The following UBE2E2 variants were observed in gnomAD, a reference collection of about 807,000 sequenced individuals.
UBE2E2 encodes ubiquitin conjugating enzyme E2 E2, also known as ubiquitin-conjugating enzyme E2 E2.
A neutral mutation model predicts 24.7 loss-of-function variants in UBE2E2; 6 were observed. That is an observed-to-expected ratio of 0.24 (90% CI 0.13 to 0.48). The LOEUF is 0.48. UBE2E2 is among the 20% of genes least tolerant of loss of function. The pLI is 0.99. For synonymous variants in UBE2E2, 104 were observed against 83.6 expected, an observed-to-expected ratio of 1.24 and a Z score of -1.33; for missense variants, 169 against 245.0, an observed-to-expected ratio of 0.69 and a Z score of 2.07.
chr3:23,533,774 C>T (rs964626694), intron 5 of UBE2E2, among the ~76,000 whole-genome samples: 1 of 151,856 alleles, frequency 6.6e-6, no homozygotes, highest in Non-Finnish European at 1.5e-5. Context: ...AGCCGTGTGC[C>T]GCCAAGCCCA....
chr3:23,439,645 C>T (rs1457469104), intron 3 of UBE2E2, among the ~76,000 whole-genome samples: 1 of 152,148 alleles, frequency 6.6e-6, no homozygotes, highest in Non-Finnish European at 1.5e-5. Flanking sequence ...CAGCTGTCTC[C>T]ATCCCATCCC....
At chr3:23,225,639 G>T (rs146690976) in intron 3 of UBE2E2, among the ~76,000 whole-genome samples, 17 of 152,240 alleles carry the variant, frequency 1.1e-4, no homozygotes, top group African/African-American at 4.1e-4. Context: ...TTCTCAATTT[G>T]GTTCCATTGG....
chr3:23,425,103 G>C (rs1050006845), intron 3 of UBE2E2, among the ~76,000 whole-genome samples: 4 of 152,170 alleles, frequency 2.6e-5, no homozygotes, highest in African/African-American at 9.7e-5. Flanking sequence ...TCTTGCCTCA[G>C]ATTTTAAAGC....
intron 3 of UBE2E2, among the ~76,000 whole-genome samples, chr3:23,335,590 G>C (rs1187318533): frequency 6.6e-6 from 1 of 152,134 alleles, no homozygotes. Flanking sequence ...TTGTGCAGTG[G>C]CACTATCATG....
chr3:23,408,539 A>G (rs762113144), intron 3 of UBE2E2, among the ~76,000 whole-genome samples: 13 of 152,198 alleles, frequency 8.5e-5, no homozygotes, highest in Non-Finnish European at 1.5e-4. Flanking sequence ...CATCTGTTAA[A>G]GTATATGACT....
chr3:23,403,117 T>TA (rs1159539716), intron 3 of UBE2E2, among the ~76,000 whole-genome samples: 1 of 152,180 alleles, frequency 6.6e-6, no homozygotes, highest in Non-Finnish European at 1.5e-5. Flanking sequence ...TAACAAAAGA[T>TA]AAAAAAGACT....
intron 3 of UBE2E2, among the ~76,000 whole-genome samples, chr3:23,354,992 A>G (rs993366528): frequency 1.3e-5 from 2 of 152,008 alleles, no homozygotes; most frequent in African/African-American, 2.4e-5. Flanking sequence ...ATGTCCAACA[A>G]CGATAGACTG....
rs545031425 is a variant in UBE2E2 at position 23,215,678 on chromosome 3, T to C, written c.177-1584T>C. Among the ~76,000 whole-genome samples the C allele has an allele frequency of 3.3e-5, 5 of 152,224 alleles. No homozygotes were observed. The South Asian group carries it at 6.2e-4, about 19-fold the overall frequency. On this transcript the variant is annotated intron_variant, in intron 2 of 5. Transcript: ENST00000396703. ...TTTGTTTTGTCTCGCAGAAATATAT[T>C]GAAATTTCTCACTCATTGGTGACCA...
intron 3 of UBE2E2, among the ~76,000 whole-genome samples, chr3:23,330,187 C>G (rs1695021934): frequency 6.6e-6 from 1 of 152,112 alleles, no homozygotes; most frequent in African/African-American, 2.4e-5. Flanking sequence ...TGTTAATGAG[C>G]AAATTTAAAT....
intron 3 of UBE2E2, among the ~76,000 whole-genome samples, chr3:23,254,057 A>G (rs773430701): frequency 7.0e-4 from 107 of 152,346 alleles, no homozygotes; most frequent in African/African-American, 1.4e-3. Flanking sequence ...GAAATGTGCT[A>G]TTGACATGAA....
chr3:23,399,865 A>C (rs1697175558), intron 3 of UBE2E2, among the ~76,000 whole-genome samples: 1 of 152,212 alleles, frequency 6.6e-6, no homozygotes, highest in African/African-American at 2.4e-5. Flanking sequence ...TGGAAGAAGA[A>C]AACAGTTGAT....
chr3:23,320,792 T>C (rs888383958), intron 3 of UBE2E2, among the ~76,000 whole-genome samples: 1 of 152,288 alleles, frequency 6.6e-6, no homozygotes, highest in East Asian at 1.9e-4. Context: ...GCATCCCCCA[T>C]CTCCTGTTAA....
intron 5 of UBE2E2, among the ~76,000 whole-genome samples, chr3:23,562,584 A>G (rs1158500760): frequency 6.6e-6 from 1 of 152,220 alleles, no homozygotes; most frequent in Non-Finnish European, 1.5e-5. Context: ...CTGGCCTCAT[A>G]AAATGAGTTA....
chr3:23,266,524 T>C (rs1056059940), intron 3 of UBE2E2, among the ~76,000 whole-genome samples: 11 of 152,116 alleles, frequency 7.2e-5, no homozygotes, highest in African/African-American at 2.7e-4. Context: ...GTTAGTCTGA[T>C]GGGCTTCCCT....
intron 2 of UBE2E2, among the ~76,000 whole-genome samples, chr3:23,214,332 TG>T (rs1267220923): frequency 6.6e-6 from 1 of 152,032 alleles, no homozygotes; most frequent in Non-Finnish European, 1.5e-5. Flanking sequence ...TAGATCACTG[TG>T]GCCTCAAATT....
intron 3 of UBE2E2, among the ~76,000 whole-genome samples, chr3:23,479,761 C>G (rs1370289309): frequency 1.3e-5 from 2 of 152,194 alleles, no homozygotes; most frequent in Non-Finnish European, 1.5e-5. Context: ...ATGTCCAGCT[C>G]TCAGCAGAGA....
intron 3 of UBE2E2, among the ~76,000 whole-genome samples, chr3:23,335,818 G>A (rs1316409002): frequency 6.6e-6 from 1 of 152,128 alleles, no homozygotes; most frequent in East Asian, 1.9e-4. Flanking sequence ...ACAGGTGTGA[G>A]CCACCACGTC....
chr3:23,350,594 A>G (rs1248781266), intron 3 of UBE2E2, among the ~76,000 whole-genome samples: 1 of 152,242 alleles, frequency 6.6e-6, no homozygotes, highest in African/African-American at 2.4e-5. Context: ...AGAATACAGA[A>G]GCCTCAGGAG....
intron 3 of UBE2E2, among the ~76,000 whole-genome samples, chr3:23,367,652 TC>T (rs1696295655): frequency 6.6e-6 from 1 of 152,128 alleles, no homozygotes; most frequent in African/African-American, 2.4e-5. Flanking sequence ...TTGTGTGAGT[TC>T]CGTGATTTCG....
Sources: gnomAD v4.1 joint callset for allele counts (sites outside exome capture counted in the v4.1 genomes callset) on GRCh38, gnomAD v4.1.1 for gene constraint, MANE v1.5 for transcripts, NCBI Gene and HGNC (gene_info 2026-07-23, HGNC 2026-07-21) for gene names.